Variants in PLK2 observed in about 807,000 individuals in gnomAD.
PLK2 encodes polo like kinase 2.
Under a neutral mutation model 78.1 loss-of-function variants are expected in PLK2, and 25 were observed. The ratio of observed to expected loss-of-function variants is 0.32; its 90% CI spans 0.23 to 0.45. PLK2 has a LOEUF of 0.45. Ranked by LOEUF, PLK2 falls within the 20% of genes least tolerant of loss-of-function variation. The pLI is 1.00. For missense variants in PLK2, 566 were observed against 840.2 expected (o/e 0.67, Z 4.04); for synonymous variants, 332 against 298.2 (o/e 1.11, Z -1.17).
At chr5:58,456,395 C>T in intron 9 of PLK2, 97 bp downstream of exon 9, 1 of 858,666 alleles carries the variant, frequency 1.2e-6, no homozygotes, top group South Asian at 1.6e-5. Flanking sequence ...GTAAATATGA[C>T]ATATTTGAAC....
chr5:58,459,179 AG>A (rs1397661580), intron 1 of PLK2, 87 bp from the exon 2 acceptor site: 14 of 770,190 alleles, frequency 1.8e-5, no homozygotes, highest in Non-Finnish European at 2.6e-5. Context: ...ATGGGAAGAA[AG>A]AAAAGCAAAA....
chr5:58,459,730 G>A lies in PLK2; in HGVS notation c.230C>T (p.Thr77Met), dbSNP rs551701713. 1.9e-6 allele frequency: 3 copies of A among 1,604,678 alleles called. No individual in the cohort carries two copies. The highest frequency in any genetic ancestry group is 2.2e-5 in the East Asian group (1 of 44,744). The change falls in exon 1 of 14, where the codon ACG (threonine) becomes ATG (methionine). Residue 77 changes from threonine (T) to methionine (M), a missense_variant. By Grantham distance (81) the Thr-to-Met change is moderately conservative. Around this residue, in one of 5 missense-constraint regions of PLK2, gnomAD observed 127 missense variants for 122.5 expected, o/e 1.04. Coordinates refer to ENST00000274289, the MANE Select transcript of PLK2 (RefSeq NM_006622.4). ...GCCCCGGCAGTAGCGCTTCCCAGTCGTGGGGTCGACGATAATCCGCGAGAT... is the reference window on the plus strand; with the variant it reads ...GCCCCGGCAGTAGCGCTTCCCAGTCATGGGGTCGACGATAATCCGCGAGAT... ...PEISRIIVDP[T>M]TGKRYCRGKV...
rs974221193 is a variant in PLK2, at chr5:58,460,027, T to A, written c.-68A>T. The A allele has an allele frequency of 1.3e-6, 2 of 1,517,900 alleles. No individual in the cohort carries two copies. Among genetic ancestry groups the A allele is most frequent in the African/African-American group, 2.7e-5 (2 of 72,788 alleles). 94.0% of individuals were successfully genotyped at this position (1,517,900 alleles called of 1,614,324 possible). The stretch of plus-strand genomic sequence containing the variant: ...CGCGGTCACACGTCCGAGCCGGCCG[T>A]GGTCCTCGCACCCTTGCCTCTGGTG... On this transcript the variant is annotated 5_prime_UTR_variant, in exon 1 of 14. Transcript: ENST00000274289.
rs934145705 is a variant in PLK2 at position 58,459,309 on chromosome 5, C to T, written c.271-217G>A. ...GCAAGTTCAAACAGTTTCTCTTCTT[C>T]TTTTATAAAGGGGAGCTTTATGGAG... On this transcript the variant is annotated intron_variant, in intron 1 of 13. Transcript: ENST00000274289. 3.1e-5 allele frequency: 18 copies of T among 579,744 alleles called. No homozygotes were observed. In the Middle Eastern group the frequency reaches 1.8e-3, roughly 58 times the overall value. The allele number at this position is 579,744 out of a possible 1,614,324, so 35.9% of individuals were successfully genotyped here.
At chr5:58,455,127 G>A in intron 12 of PLK2, 106 bp from the exon 13 acceptor site, 2 of 1,127,340 alleles carry the variant, frequency 1.8e-6, no homozygotes, top group Non-Finnish European at 2.6e-6. Flanking sequence ...CATCAGAATG[G>A]CTTTGGAAAT....
At chr5:58,456,786 C>A in intron 8 of PLK2, 159 bp downstream of exon 8, 1 of 630,692 alleles carries the variant, frequency 1.6e-6, no homozygotes. Context: ...AGCTATCAAT[C>A]ACAATTCAAG....
chr5:58,457,770 G>A (rs963274052), intron 5 of PLK2, 187 bp from the exon 6 acceptor site: 2 of 591,662 alleles, frequency 3.4e-6, no homozygotes, highest in Non-Finnish European at 6.0e-6. Flanking sequence ...ATGAGTTTTG[G>A]TAATTTTTAA....
chr5:58,459,765 C>A lies in PLK2; in HGVS notation c.195G>T (p.Ser65=), dbSNP rs1240257469. ...APHHHHHHSH[S]GPEISRIIVD... is the part of the protein sequence containing the mutation. Reference sequence around the variant, plus strand: ...CGATAATCCGCGAGATCTCCGGCCCCGAGTGCGAATGGTGGTGATGGTGGT... The same window carrying A: ...CGATAATCCGCGAGATCTCCGGCCCAGAGTGCGAATGGTGGTGATGGTGGT... Residue 65 remains serine (S), a synonymous_variant, in exon 1 of 14, where the codon TCG becomes TCT. Coordinates refer to ENST00000274289, the MANE Select transcript of PLK2 (RefSeq NM_006622.4). 2 of 1,607,646 alleles carry A rather than the reference C, an allele frequency of 1.2e-6. No homozygotes were observed. Among genetic ancestry groups the A allele is most frequent in the Non-Finnish European group, 1.7e-6 (2 of 1,179,562 alleles).
intron 3 of PLK2, 94 bp downstream of exon 3, chr5:58,458,631 G>C (rs1378948292): frequency 1.5e-6 from 2 of 1,298,508 alleles, no homozygotes; most frequent in African/African-American, 1.5e-5. Flanking sequence ...TGCAGTGTAA[G>C]TGCTGCCACA....
intron 5 of PLK2, chr5:58,457,790 C>G: frequency 1.7e-6 from 1 of 594,124 alleles, no homozygotes. Context: ...AAAATGCACA[C>G]ACGTTGTTTT....
In PLK2 at chr5:58,455,097, T is replaced by G. The variant is rs1009061357; in HGVS notation, c.1756-76A>C. 2.6e-6 allele frequency: 3 copies of G among 1,149,814 alleles called. No individual in the cohort carries two copies. The Admixed American group carries it at 5.8e-5, about 22-fold the overall frequency. 71.2% of individuals were successfully genotyped at this position (1,149,814 alleles called of 1,614,324 possible). ...GCACTCTATTATTATTCTAAGAAAA[T>G]CCTCTCAAACTTAAGCAAGCATCAG... On this transcript the variant is annotated intron_variant, in intron 12 of 13. Transcript: ENST00000274289.
rs774674496 is a variant in PLK2, at chr5:58,455,725, C to T, written c.1439G>A (p.Arg480Gln). The change falls in exon 11 of 14, where the codon CGG (arginine) becomes CAG (glutamine). Residue 480 changes from arginine to glutamine, a missense_variant. Physicochemically the swap from Arg to Gln is conservative, Grantham distance 43 (BLOSUM62 1). Transcript: ENST00000274289. ...TTCCGGCATGTTTTCCAGACATCCC[C>T]GAAGAACCCTTGCCACTGTGTCTGC... ...SVADTVARVL[R>Q]GCLENMPEAD... 5 of 1,614,070 alleles carry T rather than the reference C, an allele frequency of 3.1e-6. No individual in the cohort carries two copies. The highest frequency in any genetic ancestry group is 2.2e-5 in the South Asian group (2 of 91,084).
chr5:58,457,120 T>A, intron 7 of PLK2, 28 bp from the exon 8 acceptor site: 1 of 1,611,782 alleles, frequency 6.2e-7, no homozygotes, highest in Non-Finnish European at 8.5e-7. Flanking sequence ...AAGCCTTCAG[T>A]AACCTGTCAG....
At chr5:58,456,289 AG>A in intron 9 of PLK2, 134 bp from the exon 10 acceptor site, 1 of 885,672 alleles carries the variant, frequency 1.1e-6, no homozygotes, top group South Asian at 1.7e-5. Flanking sequence ...GCCAGATAAA[AG>A]ATAACGCAGT....
Position 58,454,253 on chromosome 5 carries a change from A to C in PLK2, c.*330T>G, listed in dbSNP as rs1019243952. 5.0e-6 allele frequency: 1 copy of C among 200,110 alleles called. No individual in the cohort carries two copies. Among genetic ancestry groups the C allele is most frequent in the Non-Finnish European group, 1.0e-5 (1 of 99,334 alleles). The allele number at this position is 200,110 out of a possible 1,614,324, so 12.4% of individuals were successfully genotyped here. ...CCCTTCTCCCTCCCCTTCAGGAAGT[A>C]TATTCACAGTTCCAAAGTCCTCTGG... On this transcript the variant is annotated 3_prime_UTR_variant, in exon 14 of 14. Coordinates refer to ENST00000274289, the MANE Select transcript of PLK2 (RefSeq NM_006622.4).
rs747011160 is a variant in PLK2, at chr5:58,457,476, G to T, written c.809+12C>A. ...GAATTTGCTTTTTAATTATTCTGCTGCATTTACTTACATTACACAGCCCAG... is the reference window on the plus strand; with the variant it reads ...GAATTTGCTTTTTAATTATTCTGCTTCATTTACTTACATTACACAGCCCAG... On this transcript the variant is annotated intron_variant, in intron 6 of 13. Transcript: ENST00000274289. 1.3e-6 allele frequency: 2 copies of T among 1,597,294 alleles called. No individual in the cohort carries two copies. The highest frequency in any genetic ancestry group is 1.7e-5 in the Admixed American group (1 of 59,976).
intron 1 of PLK2, chr5:58,459,366 C>A (rs1219561899): frequency 3.7e-5 from 21 of 570,162 alleles, no homozygotes; most frequent in Non-Finnish European, 6.2e-5. Context: ...GAAAAATAAT[C>A]TCTGATGAGA....
intron 3 of PLK2, 61 bp from the exon 4 acceptor site, chr5:58,458,589 CCCTTTG>C: frequency 1.3e-6 from 2 of 1,516,096 alleles, no homozygotes; most frequent in Admixed American, 3.7e-5. Flanking sequence ...TCACTGGTTT[CCCTTTG>C]CAGGATGAGC....
rs1243578248 is a variant in PLK2, at chr5:58,455,275, C to T, written c.1755+10G>A. ...TTCAAATGTCACCACTCTAAAGCCA[C>T]AGTACTTACATCCATGAGGTTCTCC... On this transcript the variant is annotated intron_variant, in intron 12 of 13. Coordinates refer to ENST00000274289, the MANE Select transcript of PLK2 (RefSeq NM_006622.4). 6.2e-7 allele frequency: 1 copy of T among 1,613,812 alleles called. No individual in the cohort carries two copies. The highest frequency in any genetic ancestry group is 1.3e-5 in the African/African-American group (1 of 75,020).
Sources: gnomAD v4.1 joint callset for allele counts on GRCh38, gnomAD v4.1.1 for gene constraint, gnomAD v4.1.1 regional missense constraint, MANE v1.5 for transcripts, NCBI Gene and HGNC (gene_info 2026-07-23, HGNC 2026-07-21) for gene names.